Variants in IKZF2 observed in about 807,000 individuals in gnomAD.
The protein encoded by IKZF2 is IKAROS family zinc finger 2.
IKZF2 carries 15 observed loss-of-function variants against 49.2 expected under a neutral mutation model. The ratio of observed to expected loss-of-function variants is 0.30; its 90% CI spans 0.20 to 0.47. The LOEUF (loss-of-function observed/expected upper bound fraction) is 0.47, where lower values mean the gene tolerates loss of function less well. Ranked by LOEUF, IKZF2 falls within the 20% of genes least tolerant of loss-of-function variation. The pLI, the probability that IKZF2 is intolerant of heterozygous loss-of-function variation, is 1.00. For missense variants in IKZF2, 567 were observed against 664.6 expected, an observed-to-expected ratio of 0.85 and a Z score of 1.61; for synonymous variants, 227 against 221.4, an observed-to-expected ratio of 1.03 and a Z score of -0.23.
At chr2:213,105,744 CA>C (rs2059504155) in intron 4 of IKZF2, among the ~76,000 whole-genome samples, 1 of 152,078 alleles carries the variant, frequency 6.6e-6, no homozygotes, top group African/African-American at 2.4e-5. Context: ...ATTCTGCAAA[CA>C]AACAAAAATC....
At position 213,001,156 on chromosome 2, in the gene IKZF2, T is replaced by C. The variant is rs1368323838; in HGVS notation, c.*6204A>G. ...AAAAGAATAGTATCTTTTTAACTAA[T>C]AGCAGAAGCAATCATTCTGGGATTG... On this transcript the variant is annotated 3_prime_UTR_variant, in exon 9 of 9. Transcript: ENST00000434687. The C allele has an allele frequency of 3.9e-5, 6 of 151,988 alleles. No individual in the cohort carries two copies. Among genetic ancestry groups the C allele is most frequent in the Non-Finnish European group, 7.4e-5 (5 of 67,608 alleles). The allele number at this position is 151,988 out of a possible 1,614,324, so 9.4% of individuals were successfully genotyped here.
At chr2:213,043,439 G>T (rs1574603556) in intron 6 of IKZF2, among the ~76,000 whole-genome samples, 1 of 152,100 alleles carries the variant, frequency 6.6e-6, no homozygotes, top group East Asian at 1.9e-4. Flanking sequence ...TAAAACAATG[G>T]ACAGTTATTA....
At chr2:213,033,679 A>G (rs1698717880) in intron 6 of IKZF2, among the ~76,000 whole-genome samples, 1 of 152,220 alleles carries the variant, frequency 6.6e-6, no homozygotes, top group African/African-American at 2.4e-5. Flanking sequence ...TATTCACTAA[A>G]CCATATTGTA....
At chr2:213,080,787 T>A (rs1703858958) in intron 4 of IKZF2, among the ~76,000 whole-genome samples, 3 of 152,114 alleles carry the variant, frequency 2.0e-5, no homozygotes, top group Admixed American at 2.0e-4. Flanking sequence ...TATCACTGAC[T>A]CAAAATCCTA....
chr2:213,123,779 C>T (rs575949774), intron 4 of IKZF2, among the ~76,000 whole-genome samples: 63 of 152,114 alleles, frequency 4.1e-4, no homozygotes, highest in African/African-American at 1.5e-3. Context: ...ATATGTTAAG[C>T]ACTACACCTA....
intron 6 of IKZF2, among the ~76,000 whole-genome samples, chr2:213,042,645 GTGGGCAAAAATAATCATAAAA>G (rs1327661870): frequency 6.6e-6 from 1 of 152,096 alleles, no homozygotes; most frequent in African/African-American, 2.4e-5. Flanking sequence ...AGAAGTGAAT[GTGGGCAAAAATAATCATAAAA>G]ATTAGTGAAA....
intron 4 of IKZF2, among the ~76,000 whole-genome samples, chr2:213,079,350 G>A (rs1361136325): frequency 6.6e-6 from 1 of 150,806 alleles, no homozygotes; most frequent in Non-Finnish European, 1.5e-5. Context: ...CTGTACTGAA[G>A]CCTAGGTGAC....
intron 4 of IKZF2, among the ~76,000 whole-genome samples, chr2:213,065,714 CA>C (rs1046477190): frequency 1.3e-5 from 2 of 152,002 alleles, no homozygotes; most frequent in African/African-American, 4.8e-5. Flanking sequence ...TGAAGTAACA[CA>C]TTCAATTCAT....
intron 4 of IKZF2, among the ~76,000 whole-genome samples, chr2:213,082,237 A>C (rs983577220): frequency 3.9e-5 from 6 of 152,224 alleles, no homozygotes; most frequent in Non-Finnish European, 7.3e-5. Context: ...TTGCAATAGA[A>C]AAACTATTGT....
At chr2:213,132,865 T>C (rs1559316050) in intron 4 of IKZF2, among the ~76,000 whole-genome samples, 1 of 152,226 alleles carries the variant, frequency 6.6e-6, no homozygotes, top group Non-Finnish European at 1.5e-5. Flanking sequence ...TAATTTTACT[T>C]TCATTTCTTC....
intron 4 of IKZF2, among the ~76,000 whole-genome samples, chr2:213,140,552 C>T (rs1269825285): frequency 6.6e-6 from 1 of 151,686 alleles, no homozygotes; most frequent in Non-Finnish European, 1.5e-5. Context: ...AGAATAAAGA[C>T]AGATCATTAG....
chr2:213,075,723 G>A (rs13426230), intron 4 of IKZF2, among the ~76,000 whole-genome samples: 63,697 of 151,898 alleles, frequency 0.42, 14,209 homozygotes, highest in African/African-American at 0.52. Flanking sequence ...AGTAGTTTAT[G>A]TTAAACACAC....
At position 213,067,051 on chromosome 2, in the gene IKZF2, C is replaced by A. The variant is rs558910170; in HGVS notation, c.140-9952G>T. On this transcript the variant is annotated intron_variant, in intron 4 of 8. Transcript: ENST00000434687. Reference sequence around the variant, plus strand: ...AAGAGCAAGGGCTCTAGGTCCAGCACCCTGGAGTTTAAGGCCAGGTTCGTT... The same window carrying A: ...AAGAGCAAGGGCTCTAGGTCCAGCAACCTGGAGTTTAAGGCCAGGTTCGTT... 1.5e-4 allele frequency among the ~76,000 whole-genome samples: 23 copies of A among 152,180 alleles called. No homozygotes were observed. In the South Asian group the frequency reaches 2.7e-3, roughly 18 times the overall value.
In IKZF2 at chr2:213,052,526, T is replaced by C. The variant is rs935190175; in HGVS notation, c.407-2646A>G. Among the ~76,000 whole-genome samples the C allele has an allele frequency of 2.6e-5, 4 of 152,200 alleles. No homozygotes were observed. The East Asian group carries it at 7.7e-4, about 29-fold the overall frequency. ...TATTTGCCTAACTCCTGTTGATGTC[T>C]TGATTATATGAAAAGATAATTATCA... On this transcript the variant is annotated intron_variant, in intron 5 of 8. Transcript: ENST00000434687.
At chr2:213,019,870 C>A (rs1201149901) in intron 7 of IKZF2, among the ~76,000 whole-genome samples, 1 of 152,150 alleles carries the variant, frequency 6.6e-6, no homozygotes, top group Non-Finnish European at 1.5e-5. Flanking sequence ...TTGCTTCTCT[C>A]AAAATATACT....
intron 4 of IKZF2, among the ~76,000 whole-genome samples, chr2:213,073,315 CAGTG>C (rs751104798): frequency 6.6e-6 from 1 of 152,118 alleles, no homozygotes; most frequent in African/African-American, 2.4e-5. Flanking sequence ...TGATGGAGTT[CAGTG>C]AGTAAGAGTG....
At chr2:213,037,335 A>G (rs1037209056) in intron 6 of IKZF2, among the ~76,000 whole-genome samples, 4 of 152,268 alleles carry the variant, frequency 2.6e-5, no homozygotes, top group African/African-American at 9.6e-5. Flanking sequence ...AAGGCTTATT[A>G]ATTCCTTCTA....
At chr2:213,079,791 C>T (rs1316128582) in intron 4 of IKZF2, among the ~76,000 whole-genome samples, 1 of 152,134 alleles carries the variant, frequency 6.6e-6, no homozygotes, top group African/African-American at 2.4e-5. Context: ...AAGTGCTACC[C>T]ACCTTAAGGC....
chr2:213,025,691 C>G (rs1697745111), intron 6 of IKZF2, among the ~76,000 whole-genome samples: 1 of 152,022 alleles, frequency 6.6e-6, no homozygotes, highest in African/African-American at 2.4e-5. Flanking sequence ...CATGGATATT[C>G]CCCCAAAACC....
Sources: gnomAD v4.1 joint callset for allele counts (sites outside exome capture counted in the v4.1 genomes callset) on GRCh38, gnomAD v4.1.1 for gene constraint, MANE v1.5 for transcripts, NCBI Gene and HGNC (gene_info 2026-07-23, HGNC 2026-07-21) for gene names.